The following TNFSF15 variants were observed in gnomAD, a reference collection of about 807,000 sequenced individuals.
TNFSF15 encodes the protein tumor necrosis factor ligand superfamily member 15.
TNFSF15 carries 15 observed loss-of-function variants against 26.4 expected under a neutral mutation model. The ratio of observed to expected loss-of-function variants is 0.57; its 90% CI spans 0.38 to 0.87. TNFSF15 has a LOEUF of 0.87. TNFSF15 is among the 40% of genes least tolerant of loss of function. TNFSF15 has a pLI of 0.00. For synonymous variants in TNFSF15, 116 were observed against 115.0 expected (o/e 1.01, Z -0.06); for missense variants, 290 against 306.1 (o/e 0.95, Z 0.39).
In TNFSF15 at chr9:114,805,841, G is replaced by T; in HGVS notation, c.172C>A (p.Gln58Lys). 1 of 1,613,788 alleles carries T rather than the reference G, an allele frequency of 6.2e-7. No homozygotes were observed. Among genetic ancestry groups the T allele is most frequent in the Admixed American group, 1.7e-5 (1 of 60,034 alleles). ...CAGGCCTCTCCCTGGGCCCGGAGCT[G>T]GCTGACAAGCAGGTATGTGGTGAGT... Reference protein sequence around the residue: ...AGLTTYLLVSQLRAQGEACVQ... With the variant: ...AGLTTYLLVSKLRAQGEACVQ... The change falls in exon 1 of 4, where the codon CAG becomes AAG. Residue 58 changes from glutamine to lysine, a missense_variant. This residue lies in a region of TNFSF15 where 179 missense variants were observed against 165.9 expected (regional missense o/e 1.08). Coordinates refer to ENST00000374045, the MANE Select transcript of TNFSF15 (RefSeq NM_005118.4).
chr9:114,800,792 T>C (rs1013108054), intron 1 of TNFSF15, among the ~76,000 whole-genome samples: 2 of 152,370 alleles, frequency 1.3e-5, no homozygotes, highest in African/African-American at 4.8e-5. Flanking sequence ...TTTAGTGTGG[T>C]TTCTGCTATA....
chr9:114,786,973 A>G lies in TNFSF15; in HGVS notation c.*3479T>C, dbSNP rs570952250. 3.3e-5 allele frequency: 5 copies of G among 151,952 alleles called. No homozygotes were observed. The highest frequency in any genetic ancestry group is 2.6e-4 in the Admixed American group (4 of 15,270). The allele number at this position is 151,952 out of a possible 1,614,324, so 9.4% of individuals were successfully genotyped here. A position where few individuals can be genotyped will look rare whatever the true frequency, so the allele number is the denominator to read the frequency against. On this transcript the variant is annotated 3_prime_UTR_variant, in exon 4 of 4. Coordinates refer to ENST00000374045, the MANE Select transcript of TNFSF15 (RefSeq NM_005118.4). ...GTAGCATAATCAATTCTGTTCTGCC[A>G]AATAGACTGAAACCATGCTAGCATC... is the stretch of plus-strand genomic sequence containing the variant.
chr9:114,798,266 C>T (rs1184279230), intron 1 of TNFSF15, among the ~76,000 whole-genome samples: 2 of 152,072 alleles, frequency 1.3e-5, no homozygotes, highest in African/African-American at 2.4e-5. Context: ...GGGATGCTTG[C>T]TCCCACCAGC....
chr9:114,792,376 G>A, intron 3 of TNFSF15, 31 bp downstream of exon 3: 2 of 1,605,976 alleles, frequency 1.2e-6, no homozygotes, highest in Non-Finnish European at 1.7e-6. Context: ...CTGGCCCATG[G>A]TCTCCCGTAA....
intron 1 of TNFSF15, among the ~76,000 whole-genome samples, chr9:114,802,194 T>C (rs1829758351): frequency 6.6e-6 from 1 of 152,232 alleles, no homozygotes; most frequent in Non-Finnish European, 1.5e-5. Flanking sequence ...AACTGTTTTC[T>C]TTCTCTACTA....
At chr9:114,791,330 G>C (rs1387390806) in intron 3 of TNFSF15, 1 of 248,532 alleles carries the variant, frequency 4.0e-6, no homozygotes, top group Non-Finnish European at 8.4e-6. Flanking sequence ...CCAGGCACCA[G>C]ACCCTTCAAA....
chr9:114,792,300 A>T, intron 3 of TNFSF15, 107 bp downstream of exon 3: 1 of 1,351,302 alleles, frequency 7.4e-7, no homozygotes, highest in Non-Finnish European at 1.0e-6. Flanking sequence ...CTTACCAAGG[A>T]ATGTAGTTTT....
chr9:114,797,470 C>G (rs1190462556), intron 1 of TNFSF15, among the ~76,000 whole-genome samples: 2 of 152,224 alleles, frequency 1.3e-5, no homozygotes, highest in African/African-American at 2.4e-5. Flanking sequence ...CTCTTAATAA[C>G]AACTCTGTCT....
At chr9:114,804,468 C>T (rs1829790485) in intron 1 of TNFSF15, among the ~76,000 whole-genome samples, 1 of 152,164 alleles carries the variant, frequency 6.6e-6, no homozygotes, top group South Asian at 2.1e-4. Flanking sequence ...ACCTGTCATG[C>T]CTCTGGGCTT....
At chr9:114,791,039 GGAAT>G (rs1245845512) in intron 3 of TNFSF15, 133 bp from the exon 4 acceptor site, 1 of 792,016 alleles carries the variant, frequency 1.3e-6, no homozygotes. Context: ...GCTTTGGGGA[GGAAT>G]GAATGAAGAA....
chr9:114,799,429 C>T (rs1361614011), intron 1 of TNFSF15, among the ~76,000 whole-genome samples: 1 of 152,208 alleles, frequency 6.6e-6, no homozygotes, highest in Admixed American at 6.5e-5. Context: ...CAGTTGTACA[C>T]AGAAGCCACC....
intron 1 of TNFSF15, among the ~76,000 whole-genome samples, chr9:114,797,344 T>C (rs751501594): frequency 6.6e-5 from 10 of 152,172 alleles, no homozygotes; most frequent in Non-Finnish European, 1.5e-4. Flanking sequence ...CATCTGGAGG[T>C]GGTGACCAAG....
In TNFSF15 at chr9:114,805,428, T is replaced by C. The variant is rs142428314; in HGVS notation, c.210+375A>G. Among the ~76,000 whole-genome samples, 383 of 152,358 alleles carry C rather than the reference T, an allele frequency of 2.5e-3. 1 individual carries two copies. Among genetic ancestry groups the C allele is most frequent in the African/African-American group, 8.7e-3 (361 of 41,582 alleles). Reference sequence around the variant, plus strand: ...CAGCTATAAGAGTTATGGGTAATGATGACTTTCTTCCTCTCCTTATCTGTA... The same window carrying C: ...CAGCTATAAGAGTTATGGGTAATGACGACTTTCTTCCTCTCCTTATCTGTA... On this transcript the variant is annotated intron_variant, in intron 1 of 3. Transcript: ENST00000374045.
intron 2 of TNFSF15, 185 bp from the exon 3 acceptor site, chr9:114,792,639 C>T (rs921927287): frequency 3.0e-6 from 4 of 1,352,414 alleles, no homozygotes; most frequent in Non-Finnish European, 3.0e-6. Context: ...CCACCAAGGA[C>T]AGGGTGACTC....
rs941718497 is a variant in TNFSF15 at position 114,785,191 on chromosome 9, C to T, written c.*5261G>A. On this transcript the variant is annotated 3_prime_UTR_variant, in exon 4 of 4. Transcript: ENST00000374045. Reference sequence around the variant, plus strand: ...ATATCTAAATTCTACTTTTAGCATCCAACTAGCTACTGTCTGGCACTGGCC... The same window carrying T: ...ATATCTAAATTCTACTTTTAGCATCTAACTAGCTACTGTCTGGCACTGGCC... The T allele has an allele frequency of 1.3e-5, 2 of 152,222 alleles. No homozygotes were observed. Among genetic ancestry groups the T allele is most frequent in the Admixed American group, 6.5e-5 (1 of 15,290 alleles). The allele number at this position is 152,222 out of a possible 1,614,324, so 9.4% of individuals were successfully genotyped here.
chr9:114,798,786 C>T (rs886070650), intron 1 of TNFSF15, among the ~76,000 whole-genome samples: 3 of 152,160 alleles, frequency 2.0e-5, no homozygotes, highest in Non-Finnish European at 2.9e-5. Context: ...TTTGAGATTT[C>T]CTGGCATTTC....
intron 1 of TNFSF15, among the ~76,000 whole-genome samples, chr9:114,800,254 A>G (rs569336546): frequency 6.6e-6 from 1 of 152,262 alleles, no homozygotes; most frequent in South Asian, 2.1e-4. Context: ...CTCATTTTAT[A>G]GACAGTGAGT....
rs1022645220 is a variant in TNFSF15, at chr9:114,796,091, C to A, written c.211-2523G>T. 3.9e-5 allele frequency among the ~76,000 whole-genome samples: 6 copies of A among 152,312 alleles called. No individual in the cohort carries two copies. The East Asian group carries it at 7.7e-4, about 20-fold the overall frequency. ...TAAAGCCACCATTACTGCTTTCTCT[C>A]GATTACCAGACCTGAAATTTTCTTT... is the stretch of plus-strand genomic sequence containing the variant. On this transcript the variant is annotated intron_variant, in intron 1 of 3. Coordinates refer to ENST00000374045, the MANE Select transcript of TNFSF15 (RefSeq NM_005118.4).
chr9:114,800,099 T>C (rs890460455), intron 1 of TNFSF15, among the ~76,000 whole-genome samples: 5 of 148,146 alleles, frequency 3.4e-5, no homozygotes, highest in African/African-American at 1.3e-4. Context: ...ACAACTTGAG[T>C]GAGATAAGAG....
Sources: gnomAD v4.1 joint callset for allele counts (sites outside exome capture counted in the v4.1 genomes callset) on GRCh38, gnomAD v4.1.1 for gene constraint, gnomAD v4.1.1 regional missense constraint, MANE v1.5 for transcripts, NCBI Gene and HGNC (gene_info 2026-07-23, HGNC 2026-07-21) for gene names.